Variants in ZFP90 observed in about 807,000 individuals in gnomAD.
The protein encoded by ZFP90 is zinc finger protein 90 homolog.
Under a neutral mutation model 60.8 loss-of-function variants are expected in ZFP90, and 38 were observed. The observed-to-expected ratio is 0.62, with a 90% CI of 0.48 to 0.82. The LOEUF is 0.82. Among genes scored for constraint, ZFP90 ranks in the 40% least tolerant of loss-of-function variants. The pLI, the probability that ZFP90 is intolerant of heterozygous loss-of-function variation, is 0.00. For missense variants in ZFP90, 711 were observed against 759.1 expected (o/e 0.94, Z 0.74); for synonymous variants, 287 against 264.8 (o/e 1.08, Z -0.82).
At position 68,564,083 on chromosome 16, in the gene ZFP90, G is replaced by A. The variant is rs1009487784; in HGVS notation, c.1296G>A (p.Lys432=). The A allele has an allele frequency of 3.1e-6, 5 of 1,614,084 alleles. No individual in the cohort carries two copies. The South Asian group carries it at 5.5e-5, about 18-fold the overall frequency. ...YQSSNYSIDF[K]HSTSLTQDES... ...GCAGTAACTACAGCATAGATTTCAAGCACAGCACATCTCTCACTCAAGATG... is the reference window on the plus strand; with the variant it reads ...GCAGTAACTACAGCATAGATTTCAAACACAGCACATCTCTCACTCAAGATG... Residue 432 remains lysine, a synonymous_variant, in exon 5 of 5, where the codon AAG becomes AAA. Coordinates refer to ENST00000563169, the MANE Select transcript of ZFP90 (RefSeq NM_001305203.2).
At chr16:68,536,389 C>G (rs1053880459), upstream of ZFP90, among the ~76,000 whole-genome samples, 5 of 152,192 alleles carry the variant, frequency 3.3e-5, no homozygotes, top group African/African-American at 1.2e-4. Flanking sequence ...ACTGCATCCT[C>G]AACCTCCCCT....
chr16:68,564,711 T>G lies in ZFP90; in HGVS notation c.*13T>G, dbSNP rs755225332. ...AAATAAACTCTAGGAACCGTGAAAT[T>G]AAGGAATTTGCAGAATGCTTTAGCT... On this transcript the variant is annotated 3_prime_UTR_variant, in exon 5 of 5. Transcript: ENST00000563169. 67 of 1,581,104 alleles carry G rather than the reference T, an allele frequency of 4.2e-5. No homozygotes were observed. Among genetic ancestry groups the G allele is most frequent in the Non-Finnish European group, 5.7e-5 (66 of 1,167,564 alleles).
chr16:68,535,573 T>C (rs2152049187), upstream of ZFP90: 1 of 152,278 alleles, frequency 6.6e-6, no homozygotes, highest in Non-Finnish European at 1.5e-5. Flanking sequence ...CAATTATTGC[T>C]AATTGAAAAC....
In ZFP90 at chr16:68,550,874, A is replaced by G. The variant is rs1300657074; in HGVS notation, c.34-7124A>G. Among the ~76,000 whole-genome samples the G allele has an allele frequency of 2.6e-5, 4 of 152,214 alleles. No individual in the cohort carries two copies. The East Asian group carries it at 7.7e-4, about 29-fold the overall frequency. On this transcript the variant is annotated intron_variant, in intron 2 of 4. Transcript: ENST00000563169. Reference sequence around the variant, plus strand: ...CTGAGGCTTTTGGTGACTGCAAGGCATAAAGGAAAAATGAAGAGTCAAGGA... The same window carrying G: ...CTGAGGCTTTTGGTGACTGCAAGGCGTAAAGGAAAAATGAAGAGTCAAGGA...
chr16:68,548,984 G>C (rs900264434), intron 2 of ZFP90, among the ~76,000 whole-genome samples: 1 of 151,592 alleles, frequency 6.6e-6, no homozygotes, highest in African/African-American at 2.4e-5. Context: ...TTTAATCCTC[G>C]AAACAACTCC....
At position 68,549,559 on chromosome 16, in the gene ZFP90, C is replaced by T. The variant is rs192700474; in HGVS notation, c.34-8439C>T. ...CTGGGCGTGGTGGCGGGTGCCTGTA[C>T]TCCTAGCTACTCGGGAGGCTGAGGC... is the stretch of plus-strand genomic sequence containing the variant. On this transcript the variant is annotated intron_variant, in intron 2 of 4. Coordinates refer to ENST00000563169, the MANE Select transcript of ZFP90 (RefSeq NM_001305203.2). Among the ~76,000 whole-genome samples, 103 of 151,568 alleles carry T rather than the reference C, an allele frequency of 6.8e-4. 1 individual carries two copies. Among genetic ancestry groups the T allele is most frequent in the Middle Eastern group, 6.8e-3 (2 of 294 alleles).
At chr16:68,560,020 C>T (rs1009035295) in intron 4 of ZFP90, among the ~76,000 whole-genome samples, 21 of 152,196 alleles carry the variant, frequency 1.4e-4, no homozygotes, top group Non-Finnish European at 2.8e-4. Context: ...AGGTGTGAGC[C>T]ACTGCTGAGG....
rs753620254 is a variant in ZFP90 at position 68,563,119 on chromosome 16, A to T, written c.332A>T (p.Asp111Val). Reference sequence around the variant, plus strand: ...TCAGAAGTATCCCACTGCACACATGATCTCTTACATGCTACATTAGAAGAC... The same window carrying T: ...TCAGAAGTATCCCACTGCACACATGTTCTCTTACATGCTACATTAGAAGAC... ...DVSEVSHCTH[D>V]LLHATLEDSW... The change falls in exon 5 of 5, where the codon GAT (aspartate) becomes GTT (valine). Residue 111 changes from aspartate to valine, a missense_variant. Transcript: ENST00000563169. The T allele has an allele frequency of 6.2e-7, 1 of 1,614,180 alleles. No homozygotes were observed. The highest frequency in any genetic ancestry group is 8.5e-7 in the Non-Finnish European group (1 of 1,180,024).
Position 68,566,474 on chromosome 16 carries a change from A to G in ZFP90, c.*1776A>G. 2.0e-6 allele frequency: 2 copies of G among 985,558 alleles called. No homozygotes were observed. The highest frequency in any genetic ancestry group is 1.2e-6 in the Non-Finnish European group (1 of 829,908). 61.1% of individuals were successfully genotyped at this position (985,558 alleles called of 1,614,324 possible). A position where few individuals can be genotyped will look rare whatever the true frequency, so the allele number is the denominator to read the frequency against. On this transcript the variant is annotated 3_prime_UTR_variant, in exon 5 of 5. Coordinates refer to ENST00000563169, the MANE Select transcript of ZFP90 (RefSeq NM_001305203.2). ...CTTTCTCTCATCATGGATGGCATGC[A>G]GCAGCACCCAAGTATTCTTCATTCT...
rs1440982063 is a variant in ZFP90 at position 68,566,211 on chromosome 16, A to G, written c.*1513A>G. ...CTTCAGTGGCCTGCTCCATCCCCTAATGACTCCCATGGGCTATCCTAAAGG... is the reference window on the plus strand; with the variant it reads ...CTTCAGTGGCCTGCTCCATCCCCTAGTGACTCCCATGGGCTATCCTAAAGG... On this transcript the variant is annotated 3_prime_UTR_variant, in exon 5 of 5. Coordinates refer to ENST00000563169, the MANE Select transcript of ZFP90 (RefSeq NM_001305203.2). 1.0e-6 allele frequency: 1 copy of G among 985,552 alleles called. No homozygotes were observed. The highest frequency in any genetic ancestry group is 1.2e-6 in the Non-Finnish European group (1 of 829,940). 61.1% of individuals were successfully genotyped at this position (985,552 alleles called of 1,614,324 possible).
chr16:68,538,493 C>T (rs531832196), upstream of ZFP90, among the ~76,000 whole-genome samples: 3 of 151,970 alleles, frequency 2.0e-5, no homozygotes, highest in Admixed American at 6.6e-5. Flanking sequence ...GAGGCCGAGG[C>T]GAGTTCGAGA....
intron 2 of ZFP90, among the ~76,000 whole-genome samples, chr16:68,551,618 C>G (rs2091262818): frequency 6.6e-6 from 1 of 151,928 alleles, no homozygotes; most frequent in Non-Finnish European, 1.5e-5. Flanking sequence ...CAGGGTTTTG[C>G]CAGGTTGGTC....
intron 2 of ZFP90, chr16:68,557,221 C>CTT (rs1205054996): frequency 2.2e-6 from 1 of 455,580 alleles, no homozygotes; most frequent in East Asian, 6.9e-5. Context: ...CTCTTGGGCT[C>CTT]CTGTAACAAA....
chr16:68,543,742 G>T (rs1332352116), intron 2 of ZFP90, among the ~76,000 whole-genome samples: 1 of 151,024 alleles, frequency 6.6e-6, no homozygotes, highest in Non-Finnish European at 1.5e-5. Flanking sequence ...TGTATTTTTG[G>T]TACAGACAGG....
chr16:68,571,604 C>T (rs2091568531), downstream of ZFP90, among the ~76,000 whole-genome samples: 1 of 152,066 alleles, frequency 6.6e-6, no homozygotes, highest in African/African-American at 2.4e-5. Flanking sequence ...CACTGATGCT[C>T]CTCAGAGTGA....
In ZFP90 at chr16:68,565,785, C is replaced by T. The variant is rs543614335; in HGVS notation, c.*1087C>T. 8.1e-5 allele frequency: 80 copies of T among 985,410 alleles called. No individual in the cohort carries two copies. In the South Asian group the frequency reaches 3.4e-3, roughly 42 times the overall value. 61.0% of individuals were successfully genotyped at this position (985,410 alleles called of 1,614,324 possible). On this transcript the variant is annotated 3_prime_UTR_variant, in exon 5 of 5. Coordinates refer to ENST00000563169, the MANE Select transcript of ZFP90 (RefSeq NM_001305203.2). Reference sequence around the variant, plus strand: ...TTTTGCCTTGTACTCAGAGAAGCAACATGCACTGGCTCATTTTATGTGCAA... The same window carrying T: ...TTTTGCCTTGTACTCAGAGAAGCAATATGCACTGGCTCATTTTATGTGCAA...
At chr16:68,559,070 C>G (rs2091393336) in intron 4 of ZFP90, among the ~76,000 whole-genome samples, 1 of 152,160 alleles carries the variant, frequency 6.6e-6, no homozygotes, top group Non-Finnish European at 1.5e-5. Context: ...TCTGTAGTAT[C>G]CTCATCTCCC....
chr16:68,542,150 T>C (rs772070884), intron 2 of ZFP90, among the ~76,000 whole-genome samples: 2 of 152,162 alleles, frequency 1.3e-5, no homozygotes, highest in Non-Finnish European at 2.9e-5. Flanking sequence ...GTTAATTTAG[T>C]GGGAGCAGAC....
At position 68,565,418 on chromosome 16, in the gene ZFP90, TAAAAG is replaced by T. The variant is rs556500873; in HGVS notation, c.*721_*725del. 17 of 985,580 alleles carry T rather than the reference TAAAAG, an allele frequency of 1.7e-5. No individual in the cohort carries two copies. In the East Asian group the frequency reaches 1.5e-3, roughly 84 times the overall value. 61.1% of individuals were successfully genotyped at this position (985,580 alleles called of 1,614,324 possible). A position where few individuals can be genotyped will look rare whatever the true frequency, so the allele number is the denominator to read the frequency against. Reference sequence around the variant, plus strand: ...ATGGGTTGGACACTTTGAGAATTCTTAAAAGTATAAGTGGGAGCAAAATGTATGCA... The same window carrying T: ...ATGGGTTGGACACTTTGAGAATTCTTTATAAGTGGGAGCAAAATGTATGCA... On this transcript the variant is annotated 3_prime_UTR_variant, in exon 5 of 5. Transcript: ENST00000563169.
Sources: allele counts gnomAD v4.1 joint callset (sites outside exome capture counted in the v4.1 genomes callset), GRCh38; gene constraint gnomAD v4.1.1; transcripts MANE v1.5; gene names NCBI Gene and HGNC (gene_info 2026-07-23, HGNC 2026-07-21).